Variants in PHF12 observed in about 807,000 individuals in gnomAD.
PHF12 encodes the protein PHD factor 1.
A neutral mutation model predicts 99.8 loss-of-function variants in PHF12; 6 were observed. The ratio of observed to expected loss-of-function variants is 0.06; its 90% CI spans 0.03 to 0.12. The LOEUF is 0.12. PHF12 is among the 10% of genes least tolerant of loss of function. PHF12 has a pLI of 1.00. For missense variants in PHF12, 954 were observed against 1,300.1 expected (o/e 0.73, Z 4.09); for synonymous variants, 480 against 514.9 (o/e 0.93, Z 0.92).
At position 28,905,996 on chromosome 17, in the gene PHF12, C is replaced by G; in HGVS notation, c.*187G>C. On this transcript the variant is annotated 3_prime_UTR_variant, in exon 15 of 15. Coordinates refer to ENST00000332830, the MANE Select transcript of PHF12 (RefSeq NM_001033561.2). Reference sequence around the variant, plus strand: ...GTACAAATATATGTGCAAATGCCCCCTAGAACTTGAGAAAAGAAAAAGGAT... The same window carrying G: ...GTACAAATATATGTGCAAATGCCCCGTAGAACTTGAGAAAAGAAAAAGGAT... 1 of 635,868 alleles carries G rather than the reference C, an allele frequency of 1.6e-6. No homozygotes were observed. The highest frequency in any genetic ancestry group is 2.6e-6 in the Non-Finnish European group (1 of 390,650). 39.4% of individuals were successfully genotyped at this position (635,868 alleles called of 1,614,324 possible). A position where few individuals can be genotyped will look rare whatever the true frequency, so the allele number is the denominator to read the frequency against.
chr17:28,944,472 C>A (rs2040684643), intron 2 of PHF12: 2 of 972,698 alleles, frequency 2.1e-6, no homozygotes, highest in South Asian at 4.8e-5. Context: ...AAGAAGCATG[C>A]ATCTGAACCT....
rs889934250 is a variant in PHF12, at chr17:28,905,993, C to T, written c.*190G>A. Reference sequence around the variant, plus strand: ...TGAGTACAAATATATGTGCAAATGCCCCCTAGAACTTGAGAAAAGAAAAAG... The same window carrying T: ...TGAGTACAAATATATGTGCAAATGCTCCCTAGAACTTGAGAAAAGAAAAAG... On this transcript the variant is annotated 3_prime_UTR_variant, in exon 15 of 15. Coordinates refer to ENST00000332830, the MANE Select transcript of PHF12 (RefSeq NM_001033561.2). The T allele has an allele frequency of 1.0e-5, 6 of 596,252 alleles. No homozygotes were observed. Among genetic ancestry groups the T allele is most frequent in the African/African-American group, 9.4e-5 (5 of 53,302 alleles). The allele number at this position is 596,252 out of a possible 1,614,324, so 36.9% of individuals were successfully genotyped here. A position where few individuals can be genotyped will look rare whatever the true frequency, so the allele number is the denominator to read the frequency against.
At position 28,950,406 on chromosome 17, in the gene PHF12, G is replaced by A. The variant is rs1345217546; in HGVS notation, c.67-160C>T. The A allele has an allele frequency of 9.0e-6, 7 of 776,534 alleles. No homozygotes were observed. Among genetic ancestry groups the A allele is most frequent in the African/African-American group, 8.8e-5 (5 of 56,818 alleles). 48.1% of individuals were successfully genotyped at this position (776,534 alleles called of 1,614,324 possible). ...GAATCTCTCAGCCCCCGGAACCAGG[G>A]GGAGCCCACCCTAACCGCGTTCCTG... On this transcript the variant is annotated intron_variant, in intron 1 of 14. Transcript: ENST00000332830. This position sits in a 1 kb window ranked among gnomAD's most constrained non-coding sequence, Gnocchi z 5.7.
At chr17:28,936,261 C>G (rs973826618) in intron 2 of PHF12, among the ~76,000 whole-genome samples, 1 of 152,048 alleles carries the variant, frequency 6.6e-6, no homozygotes, top group African/African-American at 2.4e-5. Flanking sequence ...CTCCACAGCA[C>G]CATGTTAATT....
intron 6 of PHF12, among the ~76,000 whole-genome samples, chr17:28,918,687 T>C (rs1049121938): frequency 6.6e-6 from 1 of 152,218 alleles, no homozygotes; most frequent in Non-Finnish European, 1.5e-5. Context: ...ACAGCTCTTT[T>C]CTAGCCTCAG....
chr17:28,923,928 A>C lies in PHF12; in HGVS notation c.696T>G (p.Thr232=), dbSNP rs1452373254. Residue 232 remains threonine, a synonymous_variant, in exon 4 of 15, where the codon ACT becomes ACG. Transcript: ENST00000332830. ...GCTGACCTGGTAGTGCAGTGGTACA[A>C]GTCAGTTCATTGGGCAACTGAAATT... ...PTQFQLPNEL[T]CTTALPGSSK... is the part of the protein sequence containing the mutation. 1 of 1,611,802 alleles carries C rather than the reference A, an allele frequency of 6.2e-7. No individual in the cohort carries two copies. The highest frequency in any genetic ancestry group is 8.5e-7 in the Non-Finnish European group (1 of 1,179,420).
chr17:28,941,959 C>T (rs1299649991), intron 2 of PHF12, among the ~76,000 whole-genome samples: 1 of 152,170 alleles, frequency 6.6e-6, no homozygotes, highest in East Asian at 1.9e-4. Context: ...TGCTCAAACA[C>T]AGACATTTTC....
rs1219433863 is a variant in PHF12, at chr17:28,950,276, A to G, written c.67-30T>C. 6.3e-7 allele frequency: 1 copy of G among 1,578,766 alleles called. No homozygotes were observed. Among genetic ancestry groups the G allele is most frequent in the African/African-American group, 1.4e-5 (1 of 73,464 alleles). ...ACACACATACAAACGGCGTGTGTGCACACTCGGAGCTCCCGGGCGGTCCGT... is the reference window on the plus strand; with the variant it reads ...ACACACATACAAACGGCGTGTGTGCGCACTCGGAGCTCCCGGGCGGTCCGT... On this transcript the variant is annotated intron_variant, in intron 1 of 14. Coordinates refer to ENST00000332830, the MANE Select transcript of PHF12 (RefSeq NM_001033561.2). The surrounding 1 kb of genome is among the most constrained non-coding windows in gnomAD (Gnocchi z 5.7).
Position 28,906,847 on chromosome 17 carries a change from C to G in PHF12, c.2680+9G>C. Reference sequence around the variant, plus strand: ...AGCTTTGTGGCCACAGATCTCTGCTCCAACTTACTGATGACACTCTGCACT... The same window carrying G: ...AGCTTTGTGGCCACAGATCTCTGCTGCAACTTACTGATGACACTCTGCACT... On this transcript the variant is annotated intron_variant, in intron 14 of 14. Transcript: ENST00000332830. This position sits in a 1 kb window ranked among gnomAD's most constrained non-coding sequence, Gnocchi z 4.2. 3.1e-6 allele frequency: 5 copies of G among 1,590,876 alleles called. No individual in the cohort carries two copies. The highest frequency in any genetic ancestry group is 4.3e-6 in the Non-Finnish European group (5 of 1,167,872).
chr17:28,905,320 C>T lies in PHF12; in HGVS notation c.*863G>A, dbSNP rs892297812. The T allele has an allele frequency of 6.6e-6, 1 of 152,574 alleles. No homozygotes were observed. The highest frequency in any genetic ancestry group is 1.5e-5 in the Non-Finnish European group (1 of 68,026). 9.5% of individuals were successfully genotyped at this position (152,574 alleles called of 1,614,324 possible). A position where few individuals can be genotyped will look rare whatever the true frequency, so the allele number is the denominator to read the frequency against. On this transcript the variant is annotated 3_prime_UTR_variant, in exon 15 of 15. Coordinates refer to ENST00000332830, the MANE Select transcript of PHF12 (RefSeq NM_001033561.2). ...TGTAAAGTCTAAAACATTACAATTA[C>T]TATGTACATTGGTACTGGTTGTGGG...
chr17:28,911,312 C>T (rs772208231), intron 9 of PHF12, 75 bp from the exon 10 acceptor site: 3 of 1,589,118 alleles, frequency 1.9e-6, no homozygotes, highest in Non-Finnish European at 2.6e-6. Flanking sequence ...ACTGCTGAGA[C>T]AGGTCTGGAT....
At chr17:28,912,409 T>C in intron 9 of PHF12, 73 bp downstream of exon 9, 3 of 1,510,872 alleles carry the variant, frequency 2.0e-6, no homozygotes, top group Non-Finnish European at 2.7e-6. Context: ...GGGATATAAG[T>C]GCTTTTAGAA....
chr17:28,907,750 GGA>G (rs1309395665), intron 12 of PHF12, 78 bp from the exon 13 acceptor site: 3 of 1,400,646 alleles, frequency 2.1e-6, no homozygotes, highest in African/African-American at 2.8e-5. Context: ...GGTAAGACAG[GGA>G]GAGAGTTAGC....
At chr17:28,909,002 C>T in intron 11 of PHF12, 121 bp from the exon 12 acceptor site, 2 of 894,568 alleles carry the variant, frequency 2.2e-6, no homozygotes. Flanking sequence ...GATGACTCAT[C>T]TTTCCAAACT....
chr17:28,926,669 A>T, intron 3 of PHF12: 1 of 786,762 alleles, frequency 1.3e-6, no homozygotes, highest in South Asian at 1.8e-5. Flanking sequence ...ATCAAGCTGG[A>T]GAAGCAGCCT....
rs1210557039 is a variant in PHF12 at position 28,950,651 on chromosome 17, A to T, written c.66+244T>A. The stretch of plus-strand genomic sequence containing the variant: ...TGGGGAGGCCTGCCGGTGCAACGAG[A>T]TGGAGTGGGCTGGCGCCTCGGGAGA... On this transcript the variant is annotated intron_variant, in intron 1 of 14. Coordinates refer to ENST00000332830, the MANE Select transcript of PHF12 (RefSeq NM_001033561.2). The surrounding 1 kb of genome is among the most constrained non-coding windows in gnomAD (Gnocchi z 5.7). The T allele has an allele frequency of 5.3e-6, 3 of 567,744 alleles. No individual in the cohort carries two copies. The highest frequency in any genetic ancestry group is 1.9e-5 in the African/African-American group (1 of 52,082). 35.2% of individuals were successfully genotyped at this position (567,744 alleles called of 1,614,324 possible). A position where few individuals can be genotyped will look rare whatever the true frequency, so the allele number is the denominator to read the frequency against.
Position 28,913,020 on chromosome 17 carries a change from T to C in PHF12, c.1551A>G (p.Leu517=). The C allele has an allele frequency of 6.2e-7, 1 of 1,614,216 alleles. No homozygotes were observed. Among genetic ancestry groups the C allele is most frequent in the Non-Finnish European group, 8.5e-7 (1 of 1,180,032 alleles). ...CACAAGAACTGCAGCCGATGTCCTCTAGGGCTGGGGACTGGTGGGGTGGAG... is the reference window on the plus strand; with the variant it reads ...CACAAGAACTGCAGCCGATGTCCTCCAGGGCTGGGGACTGGTGGGGTGGAG... ...SCSPPHQSPA[L]EDIGCSSCAE... Residue 517 remains leucine, a synonymous_variant, in exon 9 of 15, where the codon CTA becomes CTG. Coordinates refer to ENST00000332830, the MANE Select transcript of PHF12 (RefSeq NM_001033561.2).
At chr17:28,919,905 G>A (rs2040132002) in intron 5 of PHF12, among the ~76,000 whole-genome samples, 1 of 152,130 alleles carries the variant, frequency 6.6e-6, no homozygotes, top group Non-Finnish European at 1.5e-5. Flanking sequence ...GATGATCAAT[G>A]CTCAGTACTC....
chr17:28,921,905 C>A, intron 4 of PHF12, 97 bp from the exon 5 acceptor site: 2 of 1,532,596 alleles, frequency 1.3e-6, no homozygotes, highest in Non-Finnish European at 8.9e-7. Flanking sequence ...AGATCTTAAG[C>A]ATGTGTCATG....
Sources: allele counts gnomAD v4.1 joint callset (sites outside exome capture counted in the v4.1 genomes callset), GRCh38; gene constraint gnomAD v4.1.1; non-coding constraint Gnocchi (gnomAD v3.1); transcripts MANE v1.5; gene names NCBI Gene and HGNC (gene_info 2026-07-23, HGNC 2026-07-21).